B3GALT1: variants seen among roughly 807,000 people sequenced by gnomAD.
B3GALT1 encodes the protein UDP-Gal:betaGlcNAc beta 1,3-galactosyltransferase, polypeptide 1.
Under a neutral mutation model 23.2 loss-of-function variants are expected in B3GALT1, and 10 were observed. The observed-to-expected ratio is 0.43, with a 90% CI of 0.27 to 0.73. The LOEUF (loss-of-function observed/expected upper bound fraction) is 0.73. Among genes scored for constraint, B3GALT1 ranks in the 30% least tolerant of loss-of-function variants. B3GALT1 has a pLI of 0.21. For synonymous variants in B3GALT1, 156 were observed against 141.5 expected, an observed-to-expected ratio of 1.10 and a Z score of -0.73; for missense variants, 299 against 405.4, an observed-to-expected ratio of 0.74 and a Z score of 2.25.
chr2:167,596,119 C>T (rs957367941), intron 2 of B3GALT1, among the ~76,000 whole-genome samples: 1 of 152,128 alleles, frequency 6.6e-6, no homozygotes, highest in Non-Finnish European at 1.5e-5. Flanking sequence ...CCTAGAAGAG[C>T]GTAGATATTT....
chr2:167,746,644 T>G (rs1687657184), intron 3 of B3GALT1, among the ~76,000 whole-genome samples: 1 of 152,238 alleles, frequency 6.6e-6, no homozygotes, highest in Admixed American at 6.5e-5. Context: ...GGTCATACAC[T>G]TCAATTAATA....
At chr2:167,298,978 GA>G (rs1338707977) in intron 1 of B3GALT1, among the ~76,000 whole-genome samples, 1 of 151,884 alleles carries the variant, frequency 6.6e-6, no homozygotes, top group Non-Finnish European at 1.5e-5. Context: ...TCAAAGAAAA[GA>G]AAAAAACAAA....
At chr2:167,837,094 C>G (rs1355128053) in intron 4 of B3GALT1, among the ~76,000 whole-genome samples, 1 of 152,096 alleles carries the variant, frequency 6.6e-6, no homozygotes, top group African/African-American at 2.4e-5. Flanking sequence ...TAAAGACCAT[C>G]GAGGCTAGGA....
intron 1 of B3GALT1, among the ~76,000 whole-genome samples, chr2:167,396,821 C>A (rs973136163): frequency 1.8e-4 from 28 of 151,914 alleles, no homozygotes; most frequent in Non-Finnish European, 3.1e-4. Flanking sequence ...ATAATACTAT[C>A]CCTCACACAG....
intron 1 of B3GALT1, among the ~76,000 whole-genome samples, chr2:167,399,624 A>G (rs1698154993): frequency 6.6e-6 from 1 of 151,640 alleles, no homozygotes; most frequent in Admixed American, 6.6e-5. Flanking sequence ...ATATTCCTTT[A>G]CCTATTCTTC....
intron 3 of B3GALT1, among the ~76,000 whole-genome samples, chr2:167,787,803 A>G (rs1688368454): frequency 6.6e-6 from 1 of 152,178 alleles, no homozygotes; most frequent in Non-Finnish European, 1.5e-5. Flanking sequence ...AGCAGAGAGG[A>G]GGTCAGCTGG....
intron 2 of B3GALT1, among the ~76,000 whole-genome samples, chr2:167,502,540 A>G (rs943331608): frequency 3.4e-5 from 5 of 148,584 alleles, no homozygotes; most frequent in Non-Finnish European, 7.4e-5. Context: ...CAGAAAACTT[A>G]CAATCATGGA....
chr2:167,604,198 G>A (rs984200213), intron 2 of B3GALT1, among the ~76,000 whole-genome samples: 3 of 152,078 alleles, frequency 2.0e-5, no homozygotes, highest in Admixed American at 1.3e-4. Context: ...GTAAAGGAAA[G>A]GTAGCTCCCA....
At chr2:167,646,427 C>A (rs2105460008) in intron 2 of B3GALT1, among the ~76,000 whole-genome samples, 1 of 152,342 alleles carries the variant, frequency 6.6e-6, no homozygotes, top group African/African-American at 2.4e-5. Flanking sequence ...CCCTGTTCCT[C>A]TTCCTTCTCC....
At chr2:167,715,029 T>C (rs1687121684) in intron 3 of B3GALT1, 1 of 1,611,628 alleles carries the variant, frequency 6.2e-7, no homozygotes, top group South Asian at 1.1e-5. Flanking sequence ...TCTTCCTTTG[T>C]TTTGTCCACT....
At chr2:167,629,559 G>T (rs1333250388) in intron 2 of B3GALT1, among the ~76,000 whole-genome samples, 1 of 151,466 alleles carries the variant, frequency 6.6e-6, no homozygotes, top group African/African-American at 2.4e-5. Flanking sequence ...TAATTTTATT[G>T]CTCTAACTAT....
At chr2:167,329,296 A>T (rs902966736) in intron 1 of B3GALT1, among the ~76,000 whole-genome samples, 2 of 152,084 alleles carry the variant, frequency 1.3e-5, no homozygotes, top group Non-Finnish European at 1.5e-5. Context: ...TTTAATATCC[A>T]TGTATTTGTA....
intron 1 of B3GALT1, among the ~76,000 whole-genome samples, chr2:167,393,025 C>G (rs1007522420): frequency 5.3e-5 from 8 of 151,978 alleles, no homozygotes; most frequent in South Asian, 2.1e-4. Context: ...ACGAAGTCAG[C>G]AGATCAAGAC....
intron 3 of B3GALT1, among the ~76,000 whole-genome samples, chr2:167,804,321 T>C (rs979837590): frequency 5.2e-5 from 7 of 133,576 alleles, no homozygotes; most frequent in African/African-American, 2.4e-4. Flanking sequence ...GTTTTGTTTT[T>C]TTCTTTTTTT....
chr2:167,869,886 A>C lies in B3GALT1; in HGVS notation c.847A>C (p.Ser283Arg). Reference sequence around the variant, plus strand: ...GCTGGGCATACATCCTTTCCAGAACAGTGGCTTCAATCACTGGAAAATGGC... The same window carrying C: ...GCTGGGCATACATCCTTTCCAGAACCGTGGCTTCAATCACTGGAAAATGGC... ...RKLGIHPFQN[S>R]GFNHWKMAYS... Residue 283 changes from serine (S) to arginine (R), a missense_variant, in exon 5 of 5, where the codon AGT becomes CGT. Coordinates refer to ENST00000392690, the MANE Select transcript of B3GALT1 (RefSeq NM_020981.4). This position sits in a 1 kb window ranked among gnomAD's most constrained non-coding sequence, Gnocchi z 6.4. 6.2e-7 allele frequency: 1 copy of C among 1,614,216 alleles called. No individual in the cohort carries two copies. Among genetic ancestry groups the C allele is most frequent in the Non-Finnish European group, 8.5e-7 (1 of 1,180,050 alleles).
chr2:167,399,288 G>A (rs1454858216), intron 1 of B3GALT1, among the ~76,000 whole-genome samples: 1 of 152,102 alleles, frequency 6.6e-6, no homozygotes, highest in Non-Finnish European at 1.5e-5. Flanking sequence ...CCCTTAGAAT[G>A]CATGCACTGT....
rs528173927 is a variant in B3GALT1, at chr2:167,871,333, T to C, written c.*1313T>C. 6.6e-6 allele frequency: 1 copy of C among 152,352 alleles called. No homozygotes were observed. Among genetic ancestry groups the C allele is most frequent in the Non-Finnish European group, 1.5e-5 (1 of 68,040 alleles). The allele number at this position is 152,352 out of a possible 1,614,324, so 9.4% of individuals were successfully genotyped here. ...GCTTAAAAGGTGCTACGTAATGCAA[T>C]GTATCATGTATTATGCTAAATGCTA... On this transcript the variant is annotated 3_prime_UTR_variant, in exon 5 of 5. Transcript: ENST00000392690.
chr2:167,737,622 T>A (rs867493993), intron 3 of B3GALT1, among the ~76,000 whole-genome samples: 1 of 152,196 alleles, frequency 6.6e-6, no homozygotes, highest in African/African-American at 2.4e-5. Context: ...ATCAATATGG[T>A]CCTGTCTTCA....
chr2:167,349,735 C>G (rs1242427742), intron 1 of B3GALT1, among the ~76,000 whole-genome samples: 1 of 152,074 alleles, frequency 6.6e-6, no homozygotes, highest in Admixed American at 6.6e-5. Context: ...CAATCAGGTT[C>G]TCCATACTAT....
Sources: allele counts gnomAD v4.1 joint callset (sites outside exome capture counted in the v4.1 genomes callset), GRCh38; gene constraint gnomAD v4.1.1; non-coding constraint Gnocchi (gnomAD v3.1); transcripts MANE v1.5; gene names NCBI Gene and HGNC (gene_info 2026-07-23, HGNC 2026-07-21).